DENND2B: variants seen among roughly 807,000 people sequenced by gnomAD.
DENND2B encodes DENN domain containing 2B.
Under a neutral mutation model 116.0 loss-of-function variants are expected in DENND2B, and 32 were observed. The ratio of observed to expected loss-of-function variants is 0.28; its 90% CI spans 0.21 to 0.37. The LOEUF is 0.37. Among genes scored for constraint, DENND2B ranks in the 10% least tolerant of loss-of-function variants. DENND2B has a pLI of 1.00. For missense variants in DENND2B, 1,276 were observed against 1,477.7 expected, an observed-to-expected ratio of 0.86 and a Z score of 2.24; for synonymous variants, 588 against 583.9, an observed-to-expected ratio of 1.01 and a Z score of -0.10.
At chr11:8,783,046 C>CTTT (rs35035048) in intron 1 of DENND2B, among the ~76,000 whole-genome samples, 10,437 of 118,838 alleles carry the variant, frequency 0.088, 644 homozygotes, top group South Asian at 0.2. Flanking sequence ...CACCACTTAC[C>CTTT]TTTTTTTTTT....
chr11:8,706,159 C>T (rs911092827), intron 13 of DENND2B, among the ~76,000 whole-genome samples: 9 of 152,164 alleles, frequency 5.9e-5, no homozygotes, highest in Admixed American at 3.9e-4. Context: ...GCGGGAGGAT[C>T]GCTTGAGCCC....
At chr11:8,731,312 C>G (rs1328266679) in intron 2 of DENND2B, 103 bp from the exon 3 acceptor site, 5 of 1,124,952 alleles carry the variant, frequency 4.4e-6, no homozygotes, top group Non-Finnish European at 6.1e-6. Context: ...GCATCTTTTT[C>G]CTGGAGGACT....
At chr11:8,697,237 T>A (rs964582622) in intron 17 of DENND2B, among the ~76,000 whole-genome samples, 1 of 152,248 alleles carries the variant, frequency 6.6e-6, no homozygotes, top group Non-Finnish European at 1.5e-5. Flanking sequence ...TTTTCTGGCT[T>A]CCAAGGAAGA....
chr11:8,695,773 A>C, intron 18 of DENND2B: 1 of 565,464 alleles, frequency 1.8e-6, no homozygotes, highest in Non-Finnish European at 3.2e-6. Flanking sequence ...CTCCCCATGC[A>C]CATTCCCAAG....
In DENND2B at chr11:8,793,438, T is replaced by C. The variant is rs528595622; in HGVS notation, c.-26+17079A>G. Among the ~76,000 whole-genome samples the C allele has an allele frequency of 2.6e-5, 4 of 152,328 alleles. No homozygotes were observed. The East Asian group carries it at 7.7e-4, about 29-fold the overall frequency. ...ATTTTATATAAGCAGAATCACAAAA[T>C]ATTTGTGCTTTTATATACGGCTTAT... On this transcript the variant is annotated intron_variant, in intron 1 of 19. Coordinates refer to ENST00000313726, the MANE Select transcript of DENND2B (RefSeq NM_213618.2).
In DENND2B at chr11:8,794,076, C is replaced by G. The variant is rs145684971; in HGVS notation, c.-26+16441G>C. Among the ~76,000 whole-genome samples, 171 of 152,316 alleles carry G rather than the reference C, an allele frequency of 1.1e-3. 1 individual carries two copies. The highest frequency in any genetic ancestry group is 2.1e-3 in the Non-Finnish European group (140 of 68,024). ...TGGGTTTATAGAAGATGCTCATATTCTGCCTTACGTATTCCCCATTTTGCA... is the reference window on the plus strand; with the variant it reads ...TGGGTTTATAGAAGATGCTCATATTGTGCCTTACGTATTCCCCATTTTGCA... On this transcript the variant is annotated intron_variant, in intron 1 of 19. Coordinates refer to ENST00000313726, the MANE Select transcript of DENND2B (RefSeq NM_213618.2).
chr11:8,701,702 C>T (rs2041720107), intron 14 of DENND2B, among the ~76,000 whole-genome samples: 1 of 152,158 alleles, frequency 6.6e-6, no homozygotes, highest in Non-Finnish European at 1.5e-5. Context: ...CCACCACTGA[C>T]ATAAAACTTT....
chr11:8,905,809 T>A (rs543063264), intron 1 of DENND2B, among the ~76,000 whole-genome samples: 138 of 152,110 alleles, frequency 9.1e-4, no homozygotes, highest in Non-Finnish European at 1.3e-3. Context: ...AAATGTAATA[T>A]ATTCATATAA....
chr11:8,858,694 C>T (rs1392638002), intron 2 of DENND2B, among the ~76,000 whole-genome samples: 1 of 152,134 alleles, frequency 6.6e-6, no homozygotes, highest in East Asian at 1.9e-4. Context: ...GAAGAGACTG[C>T]AAAGACAGGA....
At chr11:8,893,177 G>A (rs765824173) in intron 1 of DENND2B, among the ~76,000 whole-genome samples, 30 of 152,086 alleles carry the variant, frequency 2.0e-4, no homozygotes, top group Non-Finnish European at 4.4e-4. Context: ...TGCAGAAAAG[G>A]CCTTTGACAA....
chr11:8,826,786 C>T lies in DENND2B; in HGVS notation c.-115+12524G>A, dbSNP rs573060338. On this transcript the variant is annotated intron_variant, in intron 4 of 6. Coordinates refer to the DENND2B transcript ENST00000524757. Reference sequence around the variant, plus strand: ...CTTATCTAACAAGACATGCACTGGGCCCATCCTATGTTTCTGCGGAAGAGA... The same window carrying T: ...CTTATCTAACAAGACATGCACTGGGTCCATCCTATGTTTCTGCGGAAGAGA... 1.3e-4 allele frequency among the ~76,000 whole-genome samples: 20 copies of T among 152,304 alleles called. 1 individual carries two copies. The South Asian group carries it at 3.7e-3, about 28-fold the overall frequency.
At chr11:8,847,739 T>G (rs1040272279) in intron 3 of DENND2B, among the ~76,000 whole-genome samples, 2 of 152,132 alleles carry the variant, frequency 1.3e-5, no homozygotes, top group African/African-American at 4.8e-5. Context: ...GTAAGGTCCA[T>G]ACTAAATGAA....
intron 1 of DENND2B, among the ~76,000 whole-genome samples, chr11:8,774,802 C>A (rs1200905618): frequency 6.6e-6 from 1 of 152,104 alleles, no homozygotes; most frequent in African/African-American, 2.4e-5. Flanking sequence ...TGCTTCTCCC[C>A]TGGGGAGACT....
chr11:8,717,957 A>G (rs2045259094), intron 4 of DENND2B, 65 bp from the exon 5 acceptor site: 2 of 1,549,458 alleles, frequency 1.3e-6, no homozygotes, highest in Admixed American at 1.9e-5. Flanking sequence ...ACTCACACAC[A>G]CACAAATAAA....
At chr11:8,841,065 C>A (rs1486832124) in intron 3 of DENND2B, among the ~76,000 whole-genome samples, 1 of 152,152 alleles carries the variant, frequency 6.6e-6, no homozygotes, top group East Asian at 1.9e-4. Flanking sequence ...TGACAAATAT[C>A]AAGAAACTTA....
At chr11:8,720,530 A>G (rs551575277) in intron 4 of DENND2B, among the ~76,000 whole-genome samples, 1 of 152,258 alleles carries the variant, frequency 6.6e-6, no homozygotes, top group South Asian at 2.1e-4. Context: ...TTCTCCAGCA[A>G]TGTTTAACAT....
At chr11:8,900,917 C>A (rs1221827798) in intron 1 of DENND2B, among the ~76,000 whole-genome samples, 4 of 151,738 alleles carry the variant, frequency 2.6e-5, no homozygotes, top group African/African-American at 7.3e-5. Flanking sequence ...TGCAGTGAGC[C>A]GAGATCATGC....
intron 15 of DENND2B, 69 bp from the exon 16 acceptor site, chr11:8,699,043 A>C (rs1469076045): frequency 1.9e-6 from 3 of 1,593,114 alleles, no homozygotes; most frequent in Admixed American, 1.7e-5. Flanking sequence ...CCAGGCCTCC[A>C]GACCTCCCAG....
intron 14 of DENND2B, 144 bp from the exon 15 acceptor site, chr11:8,699,534 A>T (rs2041106678): frequency 1.3e-6 from 1 of 775,902 alleles, no homozygotes; most frequent in South Asian, 1.9e-5. Flanking sequence ...AGACTGGTAA[A>T]GTCCCCGCTT....
Sources: allele counts gnomAD v4.1 joint callset (sites outside exome capture counted in the v4.1 genomes callset), GRCh38; gene constraint gnomAD v4.1.1; transcripts MANE v1.5; gene names NCBI Gene and HGNC (gene_info 2026-07-23, HGNC 2026-07-21).